Variants in ADAM2 observed in about 807,000 individuals in gnomAD.
The protein encoded by ADAM2 is disintegrin and metalloproteinase domain-containing protein 2.
A neutral mutation model predicts 99.3 loss-of-function variants in ADAM2; 101 were observed. The ratio of observed to expected loss-of-function variants is 1.02; its 90% CI spans 0.87 to 1.20. ADAM2 has a LOEUF of 1.20. ADAM2 is among the 50% of genes most tolerant of loss of function. The pLI is 0.00. For missense variants in ADAM2, 948 were observed against 878.7 expected (o/e 1.08, Z -1.00); for synonymous variants, 323 against 287.6 (o/e 1.12, Z -1.25).
chr8:39,770,011 A>T (rs540700515), intron 11 of ADAM2, among the ~76,000 whole-genome samples: 88 of 140,492 alleles, frequency 6.3e-4, no homozygotes, highest in Non-Finnish European at 1.0e-3. Context: ...CAATGGCATG[A>T]TCTCTGCTCA....
At position 39,762,759 on chromosome 8, in the gene ADAM2, G is replaced by A. The variant is rs570223671; in HGVS notation, c.1508-1478C>T. Among the ~76,000 whole-genome samples the A allele has an allele frequency of 1.2e-4, 19 of 152,196 alleles. No individual in the cohort carries two copies. In the East Asian group the frequency reaches 3.7e-3, roughly 29 times the overall value. On this transcript the variant is annotated intron_variant, in intron 14 of 20. Coordinates refer to ENST00000265708, the MANE Select transcript of ADAM2 (RefSeq NM_001464.5). ...TCTATTCTGCCCTTTTAATTGTCTT[G>A]CCCTACAGATTTCAGGCTTGCCTAG...
intron 6 of ADAM2, among the ~76,000 whole-genome samples, chr8:39,811,877 A>T (rs1804713709): frequency 6.6e-6 from 1 of 152,230 alleles, no homozygotes; most frequent in African/African-American, 2.4e-5. Context: ...CAAGACAGGG[A>T]TGTCCTCTCT....
chr8:39,820,716 A>T (rs1805139383), intron 6 of ADAM2, among the ~76,000 whole-genome samples: 1 of 152,132 alleles, frequency 6.6e-6, no homozygotes, highest in South Asian at 2.1e-4. Flanking sequence ...ATTTTAACAT[A>T]ATGGCTATGG....
intron 7 of ADAM2, among the ~76,000 whole-genome samples, chr8:39,802,210 C>T (rs1171247420): frequency 6.6e-6 from 1 of 152,150 alleles, no homozygotes; most frequent in African/African-American, 2.4e-5. Flanking sequence ...CACTGCCTCC[C>T]TTGGCTGGGG....
intron 10 of ADAM2, among the ~76,000 whole-genome samples, chr8:39,783,884 G>T (rs571163835): frequency 1.3e-5 from 2 of 152,122 alleles, no homozygotes; most frequent in South Asian, 4.2e-4. Flanking sequence ...CCTGGGAGGC[G>T]GGGTGAGTCA....
intron 12 of ADAM2, among the ~76,000 whole-genome samples, chr8:39,767,583 A>T (rs1169434255): frequency 6.6e-6 from 1 of 152,170 alleles, no homozygotes. Flanking sequence ...ACGTAAAATA[A>T]ACAGAAGTTA....
chr8:39,803,498 A>G (rs968383930), intron 7 of ADAM2, among the ~76,000 whole-genome samples: 1 of 152,152 alleles, frequency 6.6e-6, no homozygotes, highest in Admixed American at 6.5e-5. Context: ...ATCTCATGTT[A>G]AACAATCCAC....
At chr8:39,769,935 TTTTTTTTCTTTTTTC>T (rs1468000511) in intron 11 of ADAM2, among the ~76,000 whole-genome samples, 3 of 135,306 alleles carry the variant, frequency 2.2e-5, no homozygotes, top group Non-Finnish European at 4.7e-5. Flanking sequence ...CAGGCTTTTC[TTTTTTTTCTTTTTTC>T]TTTTTTTTTT....
rs192858982 is a variant in ADAM2 at position 39,824,219 on chromosome 8, G to A, written c.267+600C>T. Among the ~76,000 whole-genome samples, 696 of 148,172 alleles carry A rather than the reference G, an allele frequency of 4.7e-3. 9 individuals are homozygous for A. Among genetic ancestry groups the A allele is most frequent in the African/African-American group, 0.016 (658 of 40,038 alleles). ...AATCACTTGAACCCAGGAGGCGGAG[G>A]TTGCGGTGAGCTGAGATCGCGCCAT... On this transcript the variant is annotated intron_variant, in intron 4 of 20. Transcript: ENST00000265708.
intron 12 of ADAM2, among the ~76,000 whole-genome samples, chr8:39,768,042 A>T (rs1050051060): frequency 4.6e-5 from 7 of 152,158 alleles, no homozygotes; most frequent in African/African-American, 1.4e-4. Context: ...ATAGCAAGAT[A>T]CTTGGAAGCA....
intron 14 of ADAM2, among the ~76,000 whole-genome samples, chr8:39,765,136 T>C (rs930129433): frequency 6.6e-6 from 1 of 152,194 alleles, no homozygotes; most frequent in Non-Finnish European, 1.5e-5. Context: ...TACTCTATGA[T>C]GTTTAGGTCC....
chr8:39,823,367 T>A (rs1178351427), intron 4 of ADAM2, among the ~76,000 whole-genome samples: 3 of 152,198 alleles, frequency 2.0e-5, no homozygotes, highest in Non-Finnish European at 4.4e-5. Flanking sequence ...TGTTCCCAAC[T>A]GAATTTAATG....
intron 3 of ADAM2, among the ~76,000 whole-genome samples, chr8:39,825,854 T>G (rs528470924): frequency 1.3e-5 from 2 of 152,180 alleles, no homozygotes; most frequent in Admixed American, 6.5e-5. Context: ...CAGCAAAAAT[T>G]TATAAGAATA....
At chr8:39,757,995 A>G (rs1455051577) in intron 15 of ADAM2, among the ~76,000 whole-genome samples, 1 of 152,186 alleles carries the variant, frequency 6.6e-6, no homozygotes, top group Non-Finnish European at 1.5e-5. Context: ...ATTTTCTTTC[A>G]GTAAGTATAT....
intron 7 of ADAM2, among the ~76,000 whole-genome samples, chr8:39,807,937 A>G (rs1003167140): frequency 6.6e-6 from 1 of 152,142 alleles, no homozygotes; most frequent in Non-Finnish European, 1.5e-5. Context: ...CCTGATAAAA[A>G]CAGTAACAAT....
At chr8:39,774,493 A>G (rs10086570) in intron 11 of ADAM2, among the ~76,000 whole-genome samples, 108,984 of 151,824 alleles carry the variant, frequency 0.72, 39,958 homozygotes, top group East Asian at 0.87. Flanking sequence ...AATCAATACC[A>G]TTTCTATATA....
chr8:39,834,070 C>A, intron 2 of ADAM2, 71 bp from the exon 3 acceptor site: 3 of 794,986 alleles, frequency 3.8e-6, no homozygotes, highest in Non-Finnish European at 4.2e-6. Context: ...CATCATTTTA[C>A]ATTAATGATA....
chr8:39,810,841 T>G (rs1253964501), intron 6 of ADAM2, among the ~76,000 whole-genome samples: 1 of 151,860 alleles, frequency 6.6e-6, no homozygotes. Flanking sequence ...AGGAAAGATC[T>G]AAAATTGACA....
At chr8:39,789,822 T>C (rs1004719876) in intron 7 of ADAM2, among the ~76,000 whole-genome samples, 6 of 151,574 alleles carry the variant, frequency 4.0e-5, no homozygotes, top group African/African-American at 1.5e-4. Context: ...ATAGAATATA[T>C]AAAGAACATT....
Sources: allele counts gnomAD v4.1 joint callset (sites outside exome capture counted in the v4.1 genomes callset), GRCh38; gene constraint gnomAD v4.1.1; transcripts MANE v1.5; gene names NCBI Gene and HGNC (gene_info 2026-07-23, HGNC 2026-07-21).